The following ADGB variants were observed in gnomAD, a reference collection of about 807,000 sequenced individuals.
The protein encoded by ADGB is androglobin.
Under a neutral mutation model 210.5 loss-of-function variants are expected in ADGB, and 172 were observed. That is an observed-to-expected ratio of 0.82 (90% CI 0.72 to 0.93). ADGB has a LOEUF of 0.93. Ranked by LOEUF, ADGB falls within the 40% of genes least tolerant of loss-of-function variation. The probability of loss-of-function intolerance (pLI) is 0.00; values close to 1 mark genes in which losing one functional copy is unlikely to be tolerated. For synonymous variants in ADGB, 658 were observed against 662.7 expected, an observed-to-expected ratio of 0.99 and a Z score of 0.11; for missense variants, 2,025 against 1,964.8, an observed-to-expected ratio of 1.03 and a Z score of -0.58.
rs1776481382 is a variant in ADGB, at chr6:146,700,983, A to G, written c.1620A>G (p.Gly540=). The G allele has an allele frequency of 6.4e-7, 1 of 1,551,160 alleles. No homozygotes were observed. The highest frequency in any genetic ancestry group is 1.4e-5 in the African/African-American group (1 of 73,128). Residue 540 remains glycine, a synonymous_variant, in exon 13 of 36, where the codon GGA becomes GGG. Coordinates refer to ENST00000397944, the MANE Select transcript of ADGB (RefSeq NM_024694.4). ...TAATTAAGAAAGGAATACCTCCAGG[A>G]TCTGATTTACCTTCCGTCAGTGAAA... ...RSLIKKGIPP[G]SDLPSVSETD...
At chr6:146,737,172 G>T (rs1490647154) in intron 23 of ADGB, among the ~76,000 whole-genome samples, 1 of 151,756 alleles carries the variant, frequency 6.6e-6, no homozygotes, top group Non-Finnish European at 1.5e-5. Flanking sequence ...AAACATGACT[G>T]TTATGAAAAT....
At chr6:146,600,923 TGC>T (rs200831409) in intron 1 of ADGB, among the ~76,000 whole-genome samples, 6,780 of 54,488 alleles carry the variant, frequency 0.12, 224 homozygotes, top group South Asian at 0.25. Flanking sequence ...CCCTCCCCCA[TGC>T]GCACACACAC....
intron 20 of ADGB, among the ~76,000 whole-genome samples, chr6:146,731,164 C>T (rs74812828): frequency 0.2 from 30,758 of 151,904 alleles, 3,545 homozygotes; most frequent in Middle Eastern, 0.3. Flanking sequence ...CTGCCTGAGG[C>T]GCAGATCAAC....
Position 146,639,942 on chromosome 6 carries a change from T to C in ADGB, c.237+4405T>C, listed in dbSNP as rs1037235668. 5.9e-5 allele frequency among the ~76,000 whole-genome samples: 9 copies of C among 151,840 alleles called. No homozygotes were observed. The East Asian group carries it at 7.7e-4, about 13-fold the overall frequency. On this transcript the variant is annotated intron_variant, in intron 2 of 35. Transcript: ENST00000397944. ...AGCTGAACTGAAGGAAATTGACACATGAAAAACAATTTCAAAGATCAACAA... is the reference window on the plus strand; with the variant it reads ...AGCTGAACTGAAGGAAATTGACACACGAAAAACAATTTCAAAGATCAACAA...
At position 146,656,868 on chromosome 6, in the gene ADGB, C is replaced by T; in HGVS notation, c.500C>T (p.Pro167Leu). ...TTTAAGGGGACTTCAGGGGAACCTCCTCTTCTCCCCTGGAAGCCCTGGGAA... is the reference window on the plus strand; with the variant it reads ...TTTAAGGGGACTTCAGGGGAACCTCTTCTTCTCCCCTGGAAGCCCTGGGAA... ...NYFKGTSGEP[P>L]LLPWKPWEHI... The change falls in exon 5 of 36, where the codon CCT becomes CTT. Residue 167 changes from proline to leucine, a missense_variant. Coordinates refer to ENST00000397944, the MANE Select transcript of ADGB (RefSeq NM_024694.4). 1 of 1,551,184 alleles carries T rather than the reference C, an allele frequency of 6.4e-7. No homozygotes were observed. Among genetic ancestry groups the T allele is most frequent in the Non-Finnish European group, 8.7e-7 (1 of 1,146,418 alleles).
chr6:146,779,377 A>T (rs1777766754), intron 29 of ADGB, among the ~76,000 whole-genome samples: 1 of 152,208 alleles, frequency 6.6e-6, no homozygotes, highest in Admixed American at 6.5e-5. Flanking sequence ...CCAGAGGGAG[A>T]AGAAAAAGAG....
intron 20 of ADGB, among the ~76,000 whole-genome samples, chr6:146,729,197 T>C (rs1776943478): frequency 6.6e-6 from 1 of 152,186 alleles, no homozygotes; most frequent in Non-Finnish European, 1.5e-5. Flanking sequence ...AGAGACTTCC[T>C]GGTAACCCCT....
rs150356457 is a variant in ADGB, at chr6:146,623,159, A to G, written c.75-12216A>G. ...GTTACAAAGTTGTTTTGCCTATTCT[A>G]TTTTCCGTTTGGGTCCATATGAGAT... On this transcript the variant is annotated intron_variant, in intron 1 of 35. Coordinates refer to ENST00000397944, the MANE Select transcript of ADGB (RefSeq NM_024694.4). Among the ~76,000 whole-genome samples the G allele has an allele frequency of 7.9e-3, 1,192 of 151,768 alleles. 7 individuals are homozygous for G. Among genetic ancestry groups the G allele is most frequent in the Admixed American group, 0.014 (210 of 15,226 alleles).
At chr6:146,699,088 C>T (rs1011679387) in intron 12 of ADGB, among the ~76,000 whole-genome samples, 2 of 152,036 alleles carry the variant, frequency 1.3e-5, no homozygotes, top group African/African-American at 4.8e-5. Flanking sequence ...AGTCAGGGTT[C>T]TCCAGAGAGA....
At chr6:146,622,120 A>T (rs576243794) in intron 1 of ADGB, among the ~76,000 whole-genome samples, 1 of 152,118 alleles carries the variant, frequency 6.6e-6, no homozygotes, top group East Asian at 1.9e-4. Flanking sequence ...GTTTATTTTG[A>T]ATTTCCCTAA....
intron 33 of ADGB, among the ~76,000 whole-genome samples, chr6:146,798,081 G>A (rs117447632): frequency 6.6e-6 from 1 of 152,028 alleles, no homozygotes; most frequent in East Asian, 1.9e-4. Context: ...TAGAAATTAA[G>A]GCAAATTTAA....
Position 146,815,165 on chromosome 6 carries a change from A to G in ADGB, c.4952A>G (p.Lys1651Arg), listed in dbSNP as rs754612106. 1.3e-6 allele frequency: 2 copies of G among 1,535,770 alleles called. No homozygotes were observed. The highest frequency in any genetic ancestry group is 2.5e-5 in the South Asian group (2 of 81,406). The change falls in exon 36 of 36, where the codon AAG becomes AGG. Residue 1651 changes from lysine to arginine, a missense_variant. Lys to Arg is a conservative substitution (Grantham distance 26). Coordinates refer to ENST00000397944, the MANE Select transcript of ADGB (RefSeq NM_024694.4). Reference protein sequence around the residue: ...QEAAMKLETEKMTPAPDTQKK... With the variant: ...QEAAMKLETERMTPAPDTQKK... ...GCAGCCATGAAGCTGGAGACAGAAA[A>G]GATGACCCCAGCTCCTGACACACAG... is the stretch of plus-strand genomic sequence containing the variant.
intron 1 of ADGB, among the ~76,000 whole-genome samples, chr6:146,630,451 C>T (rs1316794701): frequency 4.6e-5 from 7 of 151,558 alleles, no homozygotes; most frequent in Non-Finnish European, 7.4e-5. Context: ...GACATGTTGG[C>T]ACTCCCTGCT....
intron 1 of ADGB, among the ~76,000 whole-genome samples, chr6:146,605,528 T>C (rs1403487163): frequency 6.6e-6 from 1 of 152,178 alleles, no homozygotes; most frequent in Non-Finnish European, 1.5e-5. Flanking sequence ...ATATATTTTA[T>C]ATTATATATT....
At chr6:146,713,441 G>T (rs1217472874) in intron 13 of ADGB, among the ~76,000 whole-genome samples, 6 of 152,098 alleles carry the variant, frequency 3.9e-5, no homozygotes, top group Non-Finnish European at 8.8e-5. Flanking sequence ...ACCCTAATGG[G>T]CATGAAATGG....
intron 35 of ADGB, among the ~76,000 whole-genome samples, chr6:146,808,133 C>G (rs1778242413): frequency 6.6e-6 from 1 of 151,150 alleles, no homozygotes; most frequent in Non-Finnish European, 1.5e-5. Context: ...CTGAGTAGCT[C>G]TGATTACAGG....
At chr6:146,653,772 A>G (rs546464476) in intron 3 of ADGB, among the ~76,000 whole-genome samples, 3 of 152,288 alleles carry the variant, frequency 2.0e-5, no homozygotes, top group African/African-American at 7.2e-5. Flanking sequence ...TTACCTGCAT[A>G]TATATGTATT....
chr6:146,776,820 T>G (rs1777729280), intron 29 of ADGB, among the ~76,000 whole-genome samples: 1 of 152,074 alleles, frequency 6.6e-6, no homozygotes, highest in South Asian at 2.1e-4. Flanking sequence ...TTGATTATTT[T>G]AAGCTCTCTG....
intron 25 of ADGB, among the ~76,000 whole-genome samples, chr6:146,745,494 C>T (rs1231639855): frequency 6.6e-6 from 1 of 152,198 alleles, no homozygotes; most frequent in Non-Finnish European, 1.5e-5. Flanking sequence ...CAACAGAATA[C>T]ATTTCTTTGA....
Sources: gnomAD v4.1 joint callset for allele counts (sites outside exome capture counted in the v4.1 genomes callset) on GRCh38, gnomAD v4.1.1 for gene constraint, MANE v1.5 for transcripts, NCBI Gene and HGNC (gene_info 2026-07-23, HGNC 2026-07-21) for gene names.